The following LIN28B variants were observed in gnomAD, a reference collection of about 807,000 sequenced individuals.
LIN28B encodes the protein protein lin-28 homolog B.
Under a neutral mutation model 21.9 loss-of-function variants are expected in LIN28B, and 5 were observed. That is an observed-to-expected ratio of 0.23 (90% CI 0.12 to 0.48). LIN28B has a LOEUF of 0.48. LIN28B is among the 20% of genes least tolerant of loss of function. The probability of loss-of-function intolerance (pLI) is 0.98; values close to 1 mark genes in which losing one functional copy is unlikely to be tolerated. For missense variants in LIN28B, 245 were observed against 310.5 expected, an observed-to-expected ratio of 0.79 and a Z score of 1.58; for synonymous variants, 109 against 111.3, an observed-to-expected ratio of 0.98 and a Z score of 0.13.
rs561932543 is a variant in LIN28B at position 105,074,339 on chromosome 6, AG to A, written c.384-4073del. On this transcript the variant is annotated intron_variant, in intron 3 of 3. Coordinates refer to ENST00000345080, the MANE Select transcript of LIN28B (RefSeq NM_001004317.4). ...CAGCCTCCCAAGTAGCTGGGACTAC[AG>A]GCCCCCGCCACCATGCCCGGCTAAT... is the stretch of plus-strand genomic sequence containing the variant. 3.4e-3 allele frequency among the ~76,000 whole-genome samples: 511 copies of A among 152,228 alleles called. 2 individuals are homozygous for A. Among genetic ancestry groups the A allele is most frequent in the Middle Eastern group, 0.024 (7 of 294 alleles).
intron 2 of LIN28B, among the ~76,000 whole-genome samples, chr6:104,937,298 T>C (rs888841250): frequency 2.1e-4 from 32 of 152,050 alleles, no homozygotes; most frequent in African/African-American, 7.7e-4. Context: ...CACGCCCAGC[T>C]AGTATTTTGT....
intron 2 of LIN28B, among the ~76,000 whole-genome samples, chr6:105,008,952 T>C (rs948132841): frequency 3.9e-5 from 6 of 152,238 alleles, no homozygotes; most frequent in African/African-American, 1.4e-4. Flanking sequence ...TAATAAGGCA[T>C]GTTATATGTT....
At chr6:104,956,216 A>T (rs1395173327), upstream of LIN28B, among the ~76,000 whole-genome samples, 1 of 127,568 alleles carries the variant, frequency 7.8e-6, no homozygotes, top group Non-Finnish European at 1.6e-5. Context: ...GCTCCTCTTC[A>T]CCTCCCCTGC....
chr6:105,044,053 C>G (rs183956727), intron 3 of LIN28B, among the ~76,000 whole-genome samples: 1 of 151,950 alleles, frequency 6.6e-6, no homozygotes, highest in African/African-American at 2.4e-5. Context: ...TGTGTTTTAC[C>G]TATTCAGTGA....
chr6:105,046,779 G>A (rs1488216106), intron 3 of LIN28B, among the ~76,000 whole-genome samples: 24 of 152,150 alleles, frequency 1.6e-4, no homozygotes, highest in East Asian at 9.7e-4. Flanking sequence ...GATGATGAGC[G>A]TTTTTTCATG....
chr6:104,947,093 A>G (rs1778164923), intron 2 of LIN28B, among the ~76,000 whole-genome samples: 1 of 152,212 alleles, frequency 6.6e-6, no homozygotes, highest in Admixed American at 6.6e-5. Flanking sequence ...TTTATTTATC[A>G]CTTCATTTAT....
intron 3 of LIN28B, among the ~76,000 whole-genome samples, chr6:105,037,039 A>C (rs1374047261): frequency 6.6e-6 from 1 of 152,208 alleles, no homozygotes; most frequent in East Asian, 1.9e-4. Flanking sequence ...TAAATTTTAA[A>C]AATTATGCTT....
chr6:104,983,875 C>T (rs1327226552), intron 2 of LIN28B, among the ~76,000 whole-genome samples: 2 of 152,142 alleles, frequency 1.3e-5, no homozygotes, highest in Admixed American at 6.5e-5. Flanking sequence ...CATGCCTGGT[C>T]GATTCTCCAG....
chr6:105,016,371 G>A (rs1416428853), intron 2 of LIN28B, among the ~76,000 whole-genome samples: 1 of 152,218 alleles, frequency 6.6e-6, no homozygotes, highest in African/African-American at 2.4e-5. Context: ...CATGGGTTGA[G>A]TAGGGTGGCC....
chr6:105,025,909 CTATTA>C (rs1771279014), intron 2 of LIN28B, among the ~76,000 whole-genome samples: 1 of 151,546 alleles, frequency 6.6e-6, no homozygotes, highest in Admixed American at 6.6e-5. Context: ...TTATATGGTG[CTATTA>C]TATTAATAAT....
intron 3 of LIN28B, among the ~76,000 whole-genome samples, chr6:105,069,729 A>G (rs992083554): frequency 1.4e-4 from 21 of 151,932 alleles, no homozygotes; most frequent in African/African-American, 4.8e-4. Flanking sequence ...CATTTTGATG[A>G]CACAAGTATA....
Position 105,079,048 on chromosome 6 carries a change from A to G in LIN28B, c.*265A>G, listed in dbSNP as rs1163647295. On this transcript the variant is annotated 3_prime_UTR_variant, in exon 4 of 4. Transcript: ENST00000345080. ...AGAGAGCCTGAGTCTGTGTGTGTAC[A>G]TGAGGATTTTTATATAGGAATGTAG... 8.2e-6 allele frequency: 3 copies of G among 366,806 alleles called. No individual in the cohort carries two copies. The highest frequency in any genetic ancestry group is 1.5e-5 in the Non-Finnish European group (3 of 202,622). 22.7% of individuals were successfully genotyped at this position (366,806 alleles called of 1,614,324 possible). A position where few individuals can be genotyped will look rare whatever the true frequency, so the allele number is the denominator to read the frequency against.
chr6:104,999,657 C>G (rs1231741848), intron 2 of LIN28B, among the ~76,000 whole-genome samples: 1 of 152,010 alleles, frequency 6.6e-6, no homozygotes, highest in African/African-American at 2.4e-5. Flanking sequence ...GTTTGTTTTA[C>G]CCTGTCTTAT....
chr6:105,064,170 AG>A (rs1164927866), intron 3 of LIN28B, among the ~76,000 whole-genome samples: 2 of 152,206 alleles, frequency 1.3e-5, no homozygotes, highest in African/African-American at 4.8e-5. Context: ...TTTTCAAAAA[AG>A]GCAGCATTAT....
At chr6:104,960,800 A>C (rs927021183) in intron 2 of LIN28B, among the ~76,000 whole-genome samples, 2 of 152,110 alleles carry the variant, frequency 1.3e-5, no homozygotes, top group Non-Finnish European at 2.9e-5. Flanking sequence ...AATAAAGAGA[A>C]TATATATATG....
intron 2 of LIN28B, among the ~76,000 whole-genome samples, chr6:104,945,160 T>A (rs1214595773): frequency 1.3e-5 from 2 of 152,128 alleles, no homozygotes; most frequent in Non-Finnish European, 2.9e-5. Context: ...ATTTAACATT[T>A]TAGAAAAAAT....
At chr6:105,012,652 G>A (rs958497534) in intron 2 of LIN28B, among the ~76,000 whole-genome samples, 2 of 152,144 alleles carry the variant, frequency 1.3e-5, no homozygotes, top group Admixed American at 6.5e-5. Context: ...GTGTATCCCA[G>A]TGATTCATTC....
intron 3 of LIN28B, among the ~76,000 whole-genome samples, chr6:105,043,253 C>T (rs1340661900): frequency 7.0e-6 from 1 of 142,944 alleles, no homozygotes; most frequent in Admixed American, 7.4e-5. Flanking sequence ...ATGGTGAAAC[C>T]CCATCTAAAA....
At chr6:105,069,305 A>G (rs1467542439) in intron 3 of LIN28B, among the ~76,000 whole-genome samples, 1 of 152,228 alleles carries the variant, frequency 6.6e-6, no homozygotes, top group Non-Finnish European at 1.5e-5. Flanking sequence ...ACAAATTTAT[A>G]TGCTGTTCAA....
Sources: allele counts gnomAD v4.1 joint callset (sites outside exome capture counted in the v4.1 genomes callset), GRCh38; gene constraint gnomAD v4.1.1; transcripts MANE v1.5; gene names NCBI Gene and HGNC (gene_info 2026-07-23, HGNC 2026-07-21).